TAS2R1: variants seen among roughly 807,000 people sequenced by gnomAD.
TAS2R1 encodes the protein taste 2 receptor member 1.
For missense variants in TAS2R1, 370 were observed against 353.4 expected (o/e 1.05, Z -0.38); for synonymous variants, 141 against 134.2 (o/e 1.05, Z -0.35).
At chr5:9,784,785 G>A in the TAS2R1 span, among the ~76,000 whole-genome samples, 360 of 152,286 alleles carry the variant, frequency 2.4e-3, 2 homozygotes, top group African/African-American at 8.2e-3. Flanking sequence ...AGCATCACTC[G>A]AAGCCCTGTG....
At chr5:9,677,762 G>A (rs543434897) in intron 1 of TAS2R1, among the ~76,000 whole-genome samples, 3 of 152,166 alleles carry the variant, frequency 2.0e-5, no homozygotes, top group African/African-American at 4.8e-5. Flanking sequence ...AAGACAGTTC[G>A]ACAGTTCCTC....
At chr5:9,799,764 A>G in the TAS2R1 span, among the ~76,000 whole-genome samples, 6 of 152,212 alleles carry the variant, frequency 3.9e-5, no homozygotes, top group East Asian at 1.9e-4. Context: ...TTCTTGCCAA[A>G]CGGTAAGTGC....
the TAS2R1 span, among the ~76,000 whole-genome samples, chr5:9,842,613 G>T: frequency 6.6e-6 from 1 of 152,112 alleles, no homozygotes; most frequent in African/African-American, 2.4e-5. Flanking sequence ...ATGAGCCACT[G>T]TGCCCAGCAC....
chr5:9,746,614 T>C, the TAS2R1 span, among the ~76,000 whole-genome samples: 1 of 152,130 alleles, frequency 6.6e-6, no homozygotes, highest in African/African-American at 2.4e-5. Flanking sequence ...ATGTCCTTTG[T>C]AGGGACATAG....
chr5:9,707,706 CA>C (rs1393159883), intron 1 of TAS2R1, among the ~76,000 whole-genome samples: 1 of 151,714 alleles, frequency 6.6e-6, no homozygotes, highest in Non-Finnish European at 1.5e-5. Context: ...CAACACAAAA[CA>C]AAAAGGCACT....
the TAS2R1 span, among the ~76,000 whole-genome samples, chr5:9,901,320 C>T: frequency 2.6e-5 from 4 of 152,090 alleles, no homozygotes; most frequent in African/African-American, 4.8e-5. Context: ...TTACAGAAAG[C>T]GACTCTGGTG....
the TAS2R1 span, among the ~76,000 whole-genome samples, chr5:9,836,464 C>A: frequency 6.6e-6 from 1 of 151,800 alleles, no homozygotes; most frequent in South Asian, 2.1e-4. Context: ...GGCCTCTACT[C>A]ACAAGATGCC....
chr5:9,836,680 G>C, the TAS2R1 span, among the ~76,000 whole-genome samples: 1 of 152,182 alleles, frequency 6.6e-6, no homozygotes, highest in African/African-American at 2.4e-5. Flanking sequence ...GAATTAGAAA[G>C]TGTCCTTTTC....
upstream of TAS2R1, among the ~76,000 whole-genome samples, chr5:9,714,921 C>T (rs1382996821): frequency 6.6e-6 from 1 of 152,230 alleles, no homozygotes. Flanking sequence ...TATCTATATA[C>T]ACACCTACAC....
the TAS2R1 span, among the ~76,000 whole-genome samples, chr5:9,749,745 G>A: frequency 6.6e-6 from 1 of 152,170 alleles, no homozygotes; most frequent in Non-Finnish European, 1.5e-5. Flanking sequence ...CAAGTACAAA[G>A]AACAACAAAA....
At chr5:9,684,455 T>C (rs1042237959) in intron 1 of TAS2R1, among the ~76,000 whole-genome samples, 2 of 152,184 alleles carry the variant, frequency 1.3e-5, no homozygotes, top group Non-Finnish European at 2.9e-5. Flanking sequence ...TACAGCTACA[T>C]AGGAGGAATG....
At chr5:9,743,020 C>T in the TAS2R1 span, among the ~76,000 whole-genome samples, 1 of 151,902 alleles carries the variant, frequency 6.6e-6, no homozygotes, top group Non-Finnish European at 1.5e-5. Flanking sequence ...AGGAACCAAT[C>T]AGGAGCACCA....
chr5:9,891,096 A>C, the TAS2R1 span, among the ~76,000 whole-genome samples: 2 of 152,184 alleles, frequency 1.3e-5, no homozygotes, highest in African/African-American at 4.8e-5. Context: ...TCTCTAGTCT[A>C]CCTCAGAGTT....
the TAS2R1 span, among the ~76,000 whole-genome samples, chr5:9,780,688 T>TGTGTGTGC: frequency 2.0e-5 from 3 of 152,170 alleles, no homozygotes; most frequent in African/African-American, 4.8e-5. Context: ...TGTGTGTGTG[T>TGTGTGTGC]GTGCGCGCGC....
intron 1 of TAS2R1, among the ~76,000 whole-genome samples, chr5:9,680,664 C>T (rs1259068292): frequency 6.6e-6 from 1 of 152,076 alleles, no homozygotes; most frequent in Non-Finnish European, 1.5e-5. Flanking sequence ...AACACCTGAC[C>T]AGTATTCTCC....
the TAS2R1 span, among the ~76,000 whole-genome samples, chr5:9,809,734 C>G: frequency 6.6e-6 from 1 of 152,182 alleles, no homozygotes; most frequent in Non-Finnish European, 1.5e-5. Context: ...ACCACATCAC[C>G]ACCTTGATTA....
chr5:9,716,906 G>A (rs1734824845), upstream of TAS2R1, among the ~76,000 whole-genome samples: 1 of 152,070 alleles, frequency 6.6e-6, no homozygotes, highest in African/African-American at 2.4e-5. Flanking sequence ...GATCGATACG[G>A]AAGACAGATA....
At chr5:9,889,253 G>A in the TAS2R1 span, among the ~76,000 whole-genome samples, 1 of 152,162 alleles carries the variant, frequency 6.6e-6, no homozygotes, top group Non-Finnish European at 1.5e-5. Context: ...TGCTGGAGCA[G>A]ATGAAAATGT....
chr5:9,832,845 A>G, the TAS2R1 span, among the ~76,000 whole-genome samples: 5 of 152,340 alleles, frequency 3.3e-5, no homozygotes, highest in South Asian at 8.3e-4. Context: ...TTATTTTGCC[A>G]AGTTTAAGGA....
Sources: gnomAD v4.1 joint callset for allele counts (sites outside exome capture counted in the v4.1 genomes callset) on GRCh38, gnomAD v4.1.1 for gene constraint, MANE v1.5 for transcripts, NCBI Gene and HGNC (gene_info 2026-07-23, HGNC 2026-07-21) for gene names.